The following PDE10A variants were observed in gnomAD, a reference collection of about 807,000 sequenced individuals.
The protein encoded by PDE10A is cAMP and cAMP-inhibited cGMP 3',5'-cyclic phosphodiesterase 10A.
Under a neutral mutation model 97.7 loss-of-function variants are expected in PDE10A, and 39 were observed. The observed-to-expected ratio is 0.40, with a 90% CI of 0.31 to 0.52. PDE10A has a LOEUF of 0.52. PDE10A is among the 20% of genes least tolerant of loss of function. The probability of loss-of-function intolerance (pLI) is 0.56; values close to 1 mark genes in which losing one functional copy is unlikely to be tolerated. For synonymous variants in PDE10A, 371 were observed against 376.8 expected (o/e 0.98, Z 0.18); for missense variants, 731 against 1,047.8 (o/e 0.70, Z 4.17).
rs113412581 is a variant in PDE10A at position 165,906,233 on chromosome 6, C to T, written c.-615+81296G>A. 2.2e-3 allele frequency among the ~76,000 whole-genome samples: 330 copies of T among 151,012 alleles called. 2 individuals carry two copies. Among genetic ancestry groups the T allele is most frequent in the African/African-American group, 7.9e-3 (324 of 41,024 alleles). ...GACCCTTCTTTGTCACAAAGTCCTT[C>T]GGCCAGTACTGCTCCAAGGGCGCAG... is the stretch of plus-strand genomic sequence containing the variant. On this transcript the variant is annotated intron_variant, in intron 1 of 19. Coordinates refer to the PDE10A transcript ENST00000366882.
intron 1 of PDE10A, among the ~76,000 whole-genome samples, chr6:165,560,235 C>G (rs1208507221): frequency 6.6e-6 from 1 of 152,194 alleles, no homozygotes; most frequent in African/African-American, 2.4e-5. Context: ...GATTTGAAGA[C>G]TCATTGCTGG....
intron 1 of PDE10A, among the ~76,000 whole-genome samples, chr6:165,606,607 G>A (rs12198517): frequency 0.12 from 18,572 of 152,116 alleles, 1,171 homozygotes; most frequent in Non-Finnish European, 0.14. Context: ...TACCCAGGAG[G>A]AAAACCAGAA....
chr6:165,604,835 A>G (rs1287014108), intron 1 of PDE10A, among the ~76,000 whole-genome samples: 1 of 152,244 alleles, frequency 6.6e-6, no homozygotes, highest in Admixed American at 6.5e-5. Context: ...TAACAGGGTC[A>G]TATGTGGGTA....
At chr6:165,472,863 AT>A (rs1265722654) in intron 3 of PDE10A, among the ~76,000 whole-genome samples, 1 of 152,164 alleles carries the variant, frequency 6.6e-6, no homozygotes, top group African/African-American at 2.4e-5. Context: ...TATAATTGTT[AT>A]TTTAATGGGA....
chr6:165,463,515 G>A (rs1778448245), intron 3 of PDE10A, among the ~76,000 whole-genome samples: 1 of 152,216 alleles, frequency 6.6e-6, no homozygotes, highest in Admixed American at 6.5e-5. Context: ...ACACTTGGAA[G>A]CTTTGTAATT....
At chr6:165,426,964 G>GT (rs1417804940) in intron 10 of PDE10A, among the ~76,000 whole-genome samples, 1 of 152,070 alleles carries the variant, frequency 6.6e-6, no homozygotes, top group Non-Finnish European at 1.5e-5. Context: ...TCAGATAATA[G>GT]TAAGTGTTGG....
intron 1 of PDE10A, among the ~76,000 whole-genome samples, chr6:165,551,515 ATT>A (rs1163503889): frequency 1.3e-5 from 2 of 152,222 alleles, no homozygotes; most frequent in Non-Finnish European, 2.9e-5. Context: ...TAATAAATGA[ATT>A]ATAATCCCCA....
chr6:165,399,583 T>TCCCCCCA (rs1786469554), intron 13 of PDE10A, among the ~76,000 whole-genome samples: 3 of 125,766 alleles, frequency 2.4e-5, no homozygotes, highest in South Asian at 6.2e-4. Context: ...CCCTCCCCCC[T>TCCCCCCA]CCCCACAACA....
intron 1 of PDE10A, among the ~76,000 whole-genome samples, chr6:165,708,355 T>C (rs550254847): frequency 2.0e-5 from 3 of 152,200 alleles, no homozygotes; most frequent in African/African-American, 7.2e-5. Flanking sequence ...TTGCTGAGGC[T>C]GCCCTCCCAA....
At chr6:165,706,502 G>A (rs1053975239) in intron 1 of PDE10A, among the ~76,000 whole-genome samples, 3 of 152,176 alleles carry the variant, frequency 2.0e-5, no homozygotes, top group Non-Finnish European at 4.4e-5. Flanking sequence ...TCATAGCTAA[G>A]GATAAGAATT....
chr6:165,598,044 C>T (rs1786708044), intron 1 of PDE10A, among the ~76,000 whole-genome samples: 1 of 152,204 alleles, frequency 6.6e-6, no homozygotes, highest in African/African-American at 2.4e-5. Flanking sequence ...GCACTCAATG[C>T]CACGAGTCAA....
intron 19 of PDE10A, among the ~76,000 whole-genome samples, chr6:165,342,010 C>T (rs1478278520): frequency 6.6e-6 from 1 of 152,122 alleles, no homozygotes; most frequent in Non-Finnish European, 1.5e-5. Flanking sequence ...GTTAACTTTA[C>T]GCAGTTACAA....
chr6:165,459,118 C>T (rs903470390), intron 3 of PDE10A, among the ~76,000 whole-genome samples: 8 of 152,050 alleles, frequency 5.3e-5, no homozygotes, highest in Non-Finnish European at 1.0e-4. Flanking sequence ...TTATTTTCAG[C>T]GAAACAATGA....
intron 1 of PDE10A, among the ~76,000 whole-genome samples, chr6:165,919,865 A>T (rs564101564): frequency 7.2e-5 from 11 of 152,342 alleles, no homozygotes; most frequent in African/African-American, 2.6e-4. Context: ...CGGAAGCAGA[A>T]CGTGCCCTTC....
chr6:165,352,880 G>C lies in PDE10A; in HGVS notation c.2784-9378C>G, dbSNP rs186006565. Among the ~76,000 whole-genome samples the C allele has an allele frequency of 2.9e-3, 435 of 152,206 alleles. 2 individuals carry two copies. The highest frequency in any genetic ancestry group is 9.9e-3 in the African/African-American group (413 of 41,550). On this transcript the variant is annotated intron_variant, in intron 18 of 21. Coordinates refer to ENST00000539869, the MANE Select transcript of PDE10A (RefSeq NM_001385079.1). ...AATTAAAAATGTATGCCCTGCAAAA[G>C]ATACTGTCAAAAGAGTAAAAAGGCA...
intron 1 of PDE10A, among the ~76,000 whole-genome samples, chr6:165,728,764 A>G (rs1792356985): frequency 6.6e-6 from 1 of 152,192 alleles, no homozygotes; most frequent in South Asian, 2.1e-4. Flanking sequence ...CCAAAGACAC[A>G]GGCACCTGCA....
At chr6:165,452,741 T>A (rs961035106) in intron 3 of PDE10A, among the ~76,000 whole-genome samples, 2 of 152,116 alleles carry the variant, frequency 1.3e-5, no homozygotes, top group African/African-American at 4.8e-5. Flanking sequence ...AGAAAACTGG[T>A]ACCAGGAAGT....
chr6:165,396,293 A>C, intron 14 of PDE10A, 24 bp downstream of exon 14: 4 of 1,604,224 alleles, frequency 2.5e-6, no homozygotes, highest in Non-Finnish European at 3.4e-6. Context: ...GTTCCTGAAG[A>C]AACTGACAGA....
exon 1 of PDE10A, chr6:165,987,709 T>A (rs1013136400): frequency 1.5e-5 from 7 of 456,620 alleles, no homozygotes; most frequent in Admixed American, 1.2e-4. Flanking sequence ...CTGGCCAAGT[T>A]CGGGACCTGT....
Sources: gnomAD v4.1 joint callset for allele counts (sites outside exome capture counted in the v4.1 genomes callset) on GRCh38, gnomAD v4.1.1 for gene constraint, MANE v1.5 for transcripts, NCBI Gene and HGNC (gene_info 2026-07-23, HGNC 2026-07-21) for gene names.